Variants in PARD3B observed in about 807,000 individuals in gnomAD.
The protein encoded by PARD3B is partitioning defective 3 homolog B.
Under a neutral mutation model 130.2 loss-of-function variants are expected in PARD3B, and 103 were observed. The observed-to-expected ratio is 0.79, with a 90% CI of 0.67 to 0.93. The LOEUF (loss-of-function observed/expected upper bound fraction) is 0.93. PARD3B is among the 40% of genes least tolerant of loss of function. The probability of loss-of-function intolerance (pLI) is 0.00; values close to 1 mark genes in which losing one functional copy is unlikely to be tolerated. For synonymous variants in PARD3B, 583 were observed against 553.2 expected, an observed-to-expected ratio of 1.05 and a Z score of -0.76; for missense variants, 1,609 against 1,499.2, an observed-to-expected ratio of 1.07 and a Z score of -1.21.
chr2:204,724,123 A>G (rs2039117564), intron 2 of PARD3B, among the ~76,000 whole-genome samples: 1 of 152,150 alleles, frequency 6.6e-6, no homozygotes, highest in African/African-American at 2.4e-5. Flanking sequence ...ATTACTTTTG[A>G]TATTCCAAAG....
chr2:204,887,093 T>C lies in PARD3B; in HGVS notation c.223-78059T>C, dbSNP rs2046294135. Among the ~76,000 whole-genome samples, 1 of 152,246 alleles carries C rather than the reference T, an allele frequency of 6.6e-6. No individual in the cohort carries two copies. The highest frequency in any genetic ancestry group is 1.5e-5 in the Non-Finnish European group (1 of 68,032). ...GCTTTTAGTTCCATCTGTTCAAGAA[T>C]AGGTAAACTGAATCTCTTTGGTTCC... On this transcript the variant is annotated intron_variant, in intron 2 of 22. Coordinates refer to ENST00000406610, the MANE Select transcript of PARD3B (RefSeq NM_001302769.2). The surrounding 1 kb of genome is among the most constrained non-coding windows in gnomAD (Gnocchi z 4.2).
At chr2:205,403,815 A>G (rs983059723) in intron 19 of PARD3B, among the ~76,000 whole-genome samples, 6 of 152,212 alleles carry the variant, frequency 3.9e-5, no homozygotes. Flanking sequence ...AATGATACAC[A>G]GGATTTTTTT....
At chr2:204,857,676 G>T (rs2045007576) in intron 2 of PARD3B, among the ~76,000 whole-genome samples, 1 of 152,100 alleles carries the variant, frequency 6.6e-6, no homozygotes. Context: ...AGGCCTTCTT[G>T]TTCATATTCT....
chr2:205,354,422 C>A (rs896096313), intron 18 of PARD3B, among the ~76,000 whole-genome samples: 1 of 151,298 alleles, frequency 6.6e-6, no homozygotes, highest in Non-Finnish European at 1.5e-5. Flanking sequence ...AACAAGCCGG[C>A]ACGTTGTGCG....
chr2:204,943,934 T>G lies in PARD3B; in HGVS notation c.223-21218T>G, dbSNP rs1036699307. The stretch of plus-strand genomic sequence containing the variant: ...TTTAAAATAAATGCTAGCAATAAGT[T>G]AGTAAAAGTAGAAAAGGGGACTAAA... On this transcript the variant is annotated intron_variant, in intron 2 of 22. Transcript: ENST00000406610. This position sits in a 1 kb window ranked among gnomAD's most constrained non-coding sequence, Gnocchi z 4.2. Among the ~76,000 whole-genome samples, 2 of 152,142 alleles carry G rather than the reference T, an allele frequency of 1.3e-5. No homozygotes were observed. Among genetic ancestry groups the G allele is most frequent in the African/African-American group, 4.8e-5 (2 of 41,426 alleles).
rs2106600179 is a variant in PARD3B at position 205,591,796 on chromosome 2, GAA to G, written c.3261-23657_3261-23656del. Among the ~76,000 whole-genome samples the G allele has an allele frequency of 6.6e-6, 1 of 152,330 alleles. No individual in the cohort carries two copies. Among genetic ancestry groups the G allele is most frequent in the East Asian group, 1.9e-4 (1 of 5,188 alleles). On this transcript the variant is annotated intron_variant, in intron 22 of 22. Transcript: ENST00000406610. The surrounding 1 kb of genome is among the most constrained non-coding windows in gnomAD (Gnocchi z 4.2). ...AGGTCTGGTGGTTCAGGTCACTGAA[GAA>G]AAGGAAGCTGTCCGGTTTGGATAAA...
At chr2:204,845,675 G>GACCCCAACCTCTACATAGGTT (rs1286665913) in intron 2 of PARD3B, among the ~76,000 whole-genome samples, 7 of 151,994 alleles carry the variant, frequency 4.6e-5, no homozygotes, top group African/African-American at 1.5e-4. Context: ...TTACATAGGA[G>GACCCCAACCTCTACATAGGTT]ACCCCAACCT....
At chr2:204,808,514 C>G (rs999538098) in intron 2 of PARD3B, among the ~76,000 whole-genome samples, 2 of 151,980 alleles carry the variant, frequency 1.3e-5, no homozygotes, top group Admixed American at 1.3e-4. Flanking sequence ...CAAGTAGGCC[C>G]TAGTGTCTCC....
intron 2 of PARD3B, among the ~76,000 whole-genome samples, chr2:204,870,028 C>T (rs1392207304): frequency 6.6e-6 from 1 of 152,152 alleles, no homozygotes; most frequent in East Asian, 1.9e-4. Flanking sequence ...GACACTGATT[C>T]CTCCTTTCTA....
intron 1 of PARD3B, among the ~76,000 whole-genome samples, chr2:204,665,128 G>A (rs182690850): frequency 6.8e-6 from 1 of 147,318 alleles, no homozygotes; most frequent in Non-Finnish European, 1.5e-5. Context: ...TTTTGTCTTT[G>A]TTCTTTCATC....
chr2:204,847,541 A>C lies in PARD3B; in HGVS notation c.223-117611A>C, dbSNP rs112946223. On this transcript the variant is annotated intron_variant, in intron 2 of 22. Coordinates refer to ENST00000406610, the MANE Select transcript of PARD3B (RefSeq NM_001302769.2). ...CAGAAATACACAATTCATATGTTTCAAGTTGCATTCCATTCTGAGGAGTGT... is the reference window on the plus strand; with the variant it reads ...CAGAAATACACAATTCATATGTTTCCAGTTGCATTCCATTCTGAGGAGTGT... Among the ~76,000 whole-genome samples the C allele has an allele frequency of 1.3e-3, 204 of 152,256 alleles. 3 individuals carry two copies. Among genetic ancestry groups the C allele is most frequent in the African/African-American group, 4.6e-3 (191 of 41,562 alleles).
In PARD3B at chr2:205,105,545, C is replaced by G. The variant is rs1017938604; in HGVS notation, c.593+1031C>G. Among the ~76,000 whole-genome samples the G allele has an allele frequency of 6.6e-6, 1 of 152,128 alleles. No homozygotes were observed. The highest frequency in any genetic ancestry group is 2.1e-4 in the South Asian group (1 of 4,826). On this transcript the variant is annotated intron_variant, in intron 5 of 22. Coordinates refer to ENST00000406610, the MANE Select transcript of PARD3B (RefSeq NM_001302769.2). This position sits in a 1 kb window ranked among gnomAD's most constrained non-coding sequence, Gnocchi z 4.0. ...ATAGGTCATCATCCTTTGTCATGTGCTTTACTGTATGGATTCTCCTCAAAC... is the reference window on the plus strand; with the variant it reads ...ATAGGTCATCATCCTTTGTCATGTGGTTTACTGTATGGATTCTCCTCAAAC...
intron 21 of PARD3B, among the ~76,000 whole-genome samples, chr2:205,509,535 C>G (rs2050511861): frequency 6.6e-6 from 1 of 152,106 alleles, no homozygotes; most frequent in South Asian, 2.1e-4. Context: ...CTGCCCTGTC[C>G]CTCAACAGAG....
In PARD3B at chr2:205,460,970, AACAAGG is replaced by A. The variant is rs1445009125; in HGVS notation, c.3044+20299_3044+20304del. 6.6e-6 allele frequency among the ~76,000 whole-genome samples: 1 copy of A among 152,198 alleles called. No individual in the cohort carries two copies. Among genetic ancestry groups the A allele is most frequent in the Non-Finnish European group, 1.5e-5 (1 of 68,030 alleles). ...TTAGCCTCCAGTCCAGGGCTTAGGA[AACAAGG>A]TTCTTTAACAGTCATTTGATTTCCA... On this transcript the variant is annotated intron_variant, in intron 20 of 22. Transcript: ENST00000406610. The surrounding 1 kb of genome is among the most constrained non-coding windows in gnomAD (Gnocchi z 4.9).
At position 205,397,242 on chromosome 2, in the gene PARD3B, T is replaced by C. The variant is rs2105998426; in HGVS notation, c.2631-3771T>C. ...TACAAAATAAGGTAATTTGTAATCA[T>C]TTTCTCTGGCTAATAAAATAAATTT... On this transcript the variant is annotated intron_variant, in intron 18 of 22. Coordinates refer to ENST00000406610, the MANE Select transcript of PARD3B (RefSeq NM_001302769.2). The surrounding 1 kb of genome is among the most constrained non-coding windows in gnomAD (Gnocchi z 4.8). Among the ~76,000 whole-genome samples the C allele has an allele frequency of 6.6e-6, 1 of 152,356 alleles. No homozygotes were observed. The highest frequency in any genetic ancestry group is 2.1e-4 in the South Asian group (1 of 4,826).
rs1396316131 is a variant in PARD3B at position 205,225,002 on chromosome 2, C to T, written c.2141-20776C>T. On this transcript the variant is annotated intron_variant, in intron 15 of 22. Transcript: ENST00000406610. ...ATATGTACATTTTCTTTATTCATTC[C>T]TCTGTTGATGGACAATTAGGTAGCT... 2.0e-5 allele frequency among the ~76,000 whole-genome samples: 3 copies of T among 151,862 alleles called. No homozygotes were observed. In the East Asian group the frequency reaches 5.8e-4, roughly 29 times the overall value.
At chr2:205,386,167 T>C (rs1017545457) in intron 18 of PARD3B, among the ~76,000 whole-genome samples, 1 of 152,198 alleles carries the variant, frequency 6.6e-6, no homozygotes, top group South Asian at 2.1e-4. Flanking sequence ...AATCCACATA[T>C]GGTCAACAAA....
At chr2:205,126,568 C>T (rs1004292130) in intron 10 of PARD3B, among the ~76,000 whole-genome samples, 12 of 149,236 alleles carry the variant, frequency 8.0e-5, no homozygotes, top group Admixed American at 2.0e-4. Context: ...GGTGAAACCC[C>T]GTCTCTACTA....
intron 1 of PARD3B, among the ~76,000 whole-genome samples, chr2:204,639,826 T>A (rs1420833586): frequency 6.6e-6 from 1 of 152,186 alleles, no homozygotes; most frequent in Non-Finnish European, 1.5e-5. Context: ...ATTTATCAGA[T>A]AAAGAAACCA....
Sources: gnomAD v4.1 joint callset for allele counts (sites outside exome capture counted in the v4.1 genomes callset) on GRCh38, gnomAD v4.1.1 for gene constraint, Gnocchi (gnomAD v3.1) non-coding constraint, MANE v1.5 for transcripts, NCBI Gene and HGNC (gene_info 2026-07-23, HGNC 2026-07-21) for gene names.